Variants in RAB38 observed in about 807,000 individuals in gnomAD.
RAB38 encodes the protein ras-related protein Rab-38.
In RAB38, 15 loss-of-function variants were observed where a neutral mutation model predicts 18.4. The observed-to-expected ratio is 0.82, with a 90% CI of 0.55 to 1.26. The LOEUF is 1.26. RAB38 is among the 50% of genes most tolerant of loss of function. The pLI, the probability that RAB38 is intolerant of heterozygous loss-of-function variation, is 0.00. For synonymous variants in RAB38, 101 were observed against 104.4 expected (o/e 0.97, Z 0.20); for missense variants, 294 against 267.4 (o/e 1.10, Z -0.69).
At chr11:87,903,466 G>T in the RAB38 span, among the ~76,000 whole-genome samples, 2 of 151,408 alleles carry the variant, frequency 1.3e-5, no homozygotes, top group African/African-American at 4.8e-5. Flanking sequence ...ACTTATTCAT[G>T]TTTTGTAAAG....
chr11:87,847,026 G>A, the RAB38 span, among the ~76,000 whole-genome samples: 2 of 151,748 alleles, frequency 1.3e-5, no homozygotes, highest in Non-Finnish European at 2.9e-5. Context: ...TAAAGCACAG[G>A]TAAGTAGAAA....
At chr11:88,080,698 A>G in the RAB38 span, among the ~76,000 whole-genome samples, 1 of 151,964 alleles carries the variant, frequency 6.6e-6, no homozygotes, top group East Asian at 1.9e-4. Flanking sequence ...TTTTACATCA[A>G]GTGAACACAA....
chr11:88,032,744 T>C, the RAB38 span, among the ~76,000 whole-genome samples: 1 of 152,296 alleles, frequency 6.6e-6, no homozygotes, highest in African/African-American at 2.4e-5. Context: ...CTGGAGAGGA[T>C]GTGAAGAAAT....
the RAB38 span, among the ~76,000 whole-genome samples, chr11:88,064,288 C>T: frequency 6.6e-6 from 1 of 152,220 alleles, no homozygotes; most frequent in Non-Finnish European, 1.5e-5. Flanking sequence ...TCCACTTCCT[C>T]TTACTGGACA....
At chr11:88,097,367 A>C in the RAB38 span, among the ~76,000 whole-genome samples, 7 of 152,052 alleles carry the variant, frequency 4.6e-5, no homozygotes, top group African/African-American at 1.7e-4. Context: ...AAGAGTTTAT[A>C]AACTGTCAGG....
intron 1 of RAB38, among the ~76,000 whole-genome samples, chr11:88,163,017 T>G (rs981238010): frequency 6.6e-6 from 1 of 152,088 alleles, no homozygotes; most frequent in Non-Finnish European, 1.5e-5. Flanking sequence ...GGACTCACAC[T>G]CATCTCTTCA....
At chr11:87,869,423 G>A in the RAB38 span, among the ~76,000 whole-genome samples, 3,088 of 151,600 alleles carry the variant, frequency 0.02, 63 homozygotes, top group African/African-American at 0.046. Context: ...ATAAGAACCC[G>A]GCTCACTCAC....
At chr11:87,942,436 A>G in the RAB38 span, among the ~76,000 whole-genome samples, 21,421 of 152,144 alleles carry the variant, frequency 0.14, 1,703 homozygotes, top group South Asian at 0.32. Context: ...TATAATAAAA[A>G]TAAAAGGCTT....
the RAB38 span, among the ~76,000 whole-genome samples, chr11:87,975,738 G>T: frequency 6.6e-6 from 1 of 151,624 alleles, no homozygotes; most frequent in Non-Finnish European, 1.5e-5. Flanking sequence ...AAGGAAGTAT[G>T]TTATAATTCT....
At chr11:87,810,465 C>T in the RAB38 span, among the ~76,000 whole-genome samples, 1 of 152,070 alleles carries the variant, frequency 6.6e-6, no homozygotes, top group Admixed American at 6.6e-5. Flanking sequence ...TTTCGAGATT[C>T]ATCTATGTTG....
At chr11:87,803,870 C>T in the RAB38 span, among the ~76,000 whole-genome samples, 63 of 152,318 alleles carry the variant, frequency 4.1e-4, no homozygotes, top group Admixed American at 7.2e-4. Context: ...AAGCAAATTC[C>T]GTTAGGCCCC....
At chr11:88,026,775 GTAA>G in the RAB38 span, among the ~76,000 whole-genome samples, 4 of 151,870 alleles carry the variant, frequency 2.6e-5, no homozygotes, top group Non-Finnish European at 5.9e-5. Flanking sequence ...AACCACCACA[GTAA>G]TAATTGATTC....
the RAB38 span, among the ~76,000 whole-genome samples, chr11:87,890,997 C>T: frequency 6.6e-6 from 1 of 151,940 alleles, no homozygotes; most frequent in East Asian, 2.0e-4. Flanking sequence ...GCCATGTGTA[C>T]CTGCATAGGT....
chr11:88,061,697 G>A, the RAB38 span: 2 of 152,024 alleles, frequency 1.3e-5, no homozygotes, highest in African/African-American at 2.4e-5. Context: ...GAAGTGCCTG[G>A]AACTCGGTTC....
At chr11:88,136,847 C>A (rs557922087) in intron 2 of RAB38, among the ~76,000 whole-genome samples, 49 of 152,296 alleles carry the variant, frequency 3.2e-4, no homozygotes, top group African/African-American at 1.2e-3. Context: ...ATGGGGACAT[C>A]AACCCTGTCC....
chr11:87,964,053 A>T, the RAB38 span, among the ~76,000 whole-genome samples: 1 of 152,316 alleles, frequency 6.6e-6, no homozygotes, highest in South Asian at 2.1e-4. Context: ...TCCTCCAAAA[A>T]TGGAGCATGT....
At chr11:87,807,056 T>C in the RAB38 span, among the ~76,000 whole-genome samples, 1 of 152,102 alleles carries the variant, frequency 6.6e-6, no homozygotes, top group East Asian at 1.9e-4. Flanking sequence ...TAGATTCTCA[T>C]AGGAGCGCGA....
At chr11:88,155,087 C>A (rs570376805) in intron 1 of RAB38, among the ~76,000 whole-genome samples, 1 of 152,300 alleles carries the variant, frequency 6.6e-6, no homozygotes, top group African/African-American at 2.4e-5. Flanking sequence ...ATTTCCCAAC[C>A]TGATGCTGAG....
the RAB38 span, among the ~76,000 whole-genome samples, chr11:87,920,980 A>G: frequency 4.1e-4 from 62 of 152,176 alleles, 1 homozygote; most frequent in African/African-American, 1.4e-3. Flanking sequence ...TGTAAAGTCC[A>G]AGACCAAGGG....
Sources: gnomAD v4.1 joint callset for allele counts (sites outside exome capture counted in the v4.1 genomes callset) on GRCh38, gnomAD v4.1.1 for gene constraint, MANE v1.5 for transcripts, NCBI Gene and HGNC (gene_info 2026-07-23, HGNC 2026-07-21) for gene names.